Variants in LAMA2 observed in about 807,000 individuals in gnomAD.
The protein encoded by LAMA2 is laminin subunit alpha 2.
In LAMA2, 269 loss-of-function variants were observed where a neutral mutation model predicts 364.8. The observed-to-expected ratio is 0.74, with a 90% CI of 0.67 to 0.82. The LOEUF is 0.82. LAMA2 is among the 40% of genes least tolerant of loss of function. The probability of loss-of-function intolerance (pLI) is 0.00; values close to 1 mark genes in which losing one functional copy is unlikely to be tolerated. For missense variants in LAMA2, 3,807 were observed against 3,873.2 expected (o/e 0.98, Z 0.45); for synonymous variants, 1,379 against 1,370.6 (o/e 1.01, Z -0.14).
chr6:129,234,994 T>A (rs1784892634), intron 12 of LAMA2, among the ~76,000 whole-genome samples: 1 of 152,188 alleles, frequency 6.6e-6, no homozygotes, highest in African/African-American at 2.4e-5. Flanking sequence ...GATGGAAATG[T>A]ATGATTTTTA....
chr6:129,080,844 A>G (rs1200788183), intron 3 of LAMA2, among the ~76,000 whole-genome samples: 1 of 152,166 alleles, frequency 6.6e-6, no homozygotes, highest in African/African-American at 2.4e-5. Flanking sequence ...GCGATTCCTC[A>G]AGGATCTAGA....
intron 1 of LAMA2, among the ~76,000 whole-genome samples, chr6:128,886,108 C>T (rs1776135640): frequency 2.6e-5 from 4 of 152,262 alleles, no homozygotes; most frequent in Admixed American, 6.5e-5. Context: ...TTTTCTTATA[C>T]TCAACTATCT....
At chr6:129,238,843 C>A (rs1785197286) in intron 12 of LAMA2, among the ~76,000 whole-genome samples, 1 of 151,716 alleles carries the variant, frequency 6.6e-6, no homozygotes, top group African/African-American at 2.4e-5. Context: ...AAAATGTTAG[C>A]TTTGATTACA....
chr6:129,248,621 C>T (rs1190674987), intron 12 of LAMA2, among the ~76,000 whole-genome samples: 1 of 152,106 alleles, frequency 6.6e-6, no homozygotes, highest in African/African-American at 2.4e-5. Context: ...AATTTTGGAA[C>T]ATTATAGGCC....
intron 29 of LAMA2, among the ~76,000 whole-genome samples, chr6:129,330,836 A>G (rs761719956): frequency 8.7e-5 from 13 of 149,404 alleles, no homozygotes; most frequent in Non-Finnish European, 1.8e-4. Flanking sequence ...GAACTCCAAC[A>G]CTGTGAGAAT....
At chr6:129,013,643 T>G (rs1784904354) in intron 1 of LAMA2, among the ~76,000 whole-genome samples, 1 of 152,150 alleles carries the variant, frequency 6.6e-6, no homozygotes, top group South Asian at 2.1e-4. Context: ...TGTAGCACTT[T>G]GTAAGCCACG....
chr6:128,982,234 A>G (rs1029467257), intron 1 of LAMA2, among the ~76,000 whole-genome samples: 9 of 152,192 alleles, frequency 5.9e-5, no homozygotes, highest in Non-Finnish European at 1.0e-4. Context: ...CTGCATTTCT[A>G]TCCTACTTTT....
At chr6:128,986,130 CA>C (rs1260368845) in intron 1 of LAMA2, among the ~76,000 whole-genome samples, 3 of 152,072 alleles carry the variant, frequency 2.0e-5, no homozygotes, top group Admixed American at 6.6e-5. Flanking sequence ...TGTTTCGATT[CA>C]TTGCAGTTAT....
intron 10 of LAMA2, among the ~76,000 whole-genome samples, chr6:129,182,428 C>T (rs1483909287): frequency 6.6e-6 from 1 of 151,460 alleles, no homozygotes; most frequent in African/African-American, 2.4e-5. Context: ...AGAGAAAAAC[C>T]ATCTAAAATG....
chr6:129,412,667 A>T (rs1780594298), intron 40 of LAMA2, among the ~76,000 whole-genome samples: 1 of 152,258 alleles, frequency 6.6e-6, no homozygotes, highest in South Asian at 2.1e-4. Context: ...TAACCCCTGA[A>T]ATCTCACATG....
intron 12 of LAMA2, among the ~76,000 whole-genome samples, chr6:129,243,771 C>A (rs1785545839): frequency 6.6e-6 from 1 of 151,582 alleles, no homozygotes; most frequent in African/African-American, 2.4e-5. Flanking sequence ...CCAACCAGTT[C>A]TAATTAATGC....
At chr6:128,924,952 T>A (rs1416172090) in intron 1 of LAMA2, among the ~76,000 whole-genome samples, 1 of 152,196 alleles carries the variant, frequency 6.6e-6, no homozygotes, top group African/African-American at 2.4e-5. Context: ...ATTTCGGTTG[T>A]AAAAAATTCA....
rs747459599 is a variant in LAMA2, at chr6:129,473,326, T to C, written c.7413T>C (p.Gly2471=). 1.2e-6 allele frequency: 2 copies of C among 1,612,610 alleles called. No homozygotes were observed. Among genetic ancestry groups the C allele is most frequent in the Admixed American group, 3.3e-5 (2 of 59,952 alleles). The change falls in exon 52 of 65, where the codon GGT becomes GGC. Residue 2471 remains glycine (G), a synonymous_variant. Coordinates refer to ENST00000421865, the MANE Select transcript of LAMA2 (RefSeq NM_000426.4). Reference sequence around the variant, plus strand: ...AAGCAGATGACAAAATATATTTTGGTGGCCTGCCAACGCTGAGAAACTTGA... The same window carrying C: ...AAGCAGATGACAAAATATATTTTGGCGGCCTGCCAACGCTGAGAAACTTGA... ...DLKADDKIYF[G]GLPTLRNLSM... is the part of the protein sequence containing the mutation.
intron 1 of LAMA2, chr6:128,929,036 A>G (rs927381423): frequency 9.6e-5 from 137 of 1,431,540 alleles, no homozygotes; most frequent in Non-Finnish European, 1.2e-4. Flanking sequence ...CAAGAAGCCA[A>G]TGGTATCCTC....
chr6:129,114,034 G>A (rs1776317909), intron 4 of LAMA2, among the ~76,000 whole-genome samples: 1 of 151,940 alleles, frequency 6.6e-6, no homozygotes, highest in African/African-American at 2.4e-5. Flanking sequence ...ATGTGAAAAG[G>A]AGCTGATATC....
chr6:128,984,315 T>C (rs1783079395), intron 1 of LAMA2, among the ~76,000 whole-genome samples: 1 of 152,210 alleles, frequency 6.6e-6, no homozygotes, highest in Non-Finnish European at 1.5e-5. Flanking sequence ...ATATTCTTGC[T>C]GTGCTATAGT....
chr6:128,917,099 T>G (rs1393381411), intron 1 of LAMA2, among the ~76,000 whole-genome samples: 1 of 152,130 alleles, frequency 6.6e-6, no homozygotes, highest in East Asian at 1.9e-4. Flanking sequence ...TCTTTCCTTT[T>G]TTAAAATCCC....
At chr6:129,072,354 A>G (rs952757685) in intron 3 of LAMA2, among the ~76,000 whole-genome samples, 19 of 152,036 alleles carry the variant, frequency 1.2e-4, no homozygotes, top group African/African-American at 2.9e-4. Context: ...CAGTACTTCT[A>G]TCTTTAGAGT....
intron 12 of LAMA2, among the ~76,000 whole-genome samples, chr6:129,208,960 TG>T (rs1782906165): frequency 6.6e-6 from 1 of 152,156 alleles, no homozygotes; most frequent in Non-Finnish European, 1.5e-5. Context: ...AGTTTTCATC[TG>T]GGACTGGGTT....
Sources: allele counts gnomAD v4.1 joint callset (sites outside exome capture counted in the v4.1 genomes callset), GRCh38; gene constraint gnomAD v4.1.1; transcripts MANE v1.5; gene names NCBI Gene and HGNC (gene_info 2026-07-23, HGNC 2026-07-21).